Variants in NSMCE2 observed in about 807,000 individuals in gnomAD.
NSMCE2 encodes E3 SUMO-protein ligase NSE2.
In NSMCE2, 24 loss-of-function variants were observed where a neutral mutation model predicts 23.8. That is an observed-to-expected ratio of 1.01 (90% confidence interval 0.73 to 1.42). The LOEUF (loss-of-function observed/expected upper bound fraction) is 1.42. Ranked by LOEUF, NSMCE2 falls within the 40% of genes most tolerant of loss-of-function variation. The pLI is 0.00. For missense variants in NSMCE2, 284 were observed against 296.5 expected (o/e 0.96, Z 0.31); for synonymous variants, 92 against 94.1 (o/e 0.98, Z 0.13).
intron 5 of NSMCE2, among the ~76,000 whole-genome samples, chr8:125,313,702 T>C (rs1442785287): frequency 6.6e-6 from 1 of 151,992 alleles, no homozygotes; most frequent in African/African-American, 2.4e-5. Flanking sequence ...GTCCTTAGAG[T>C]TTCCTTGTTC....
At chr8:125,114,810 GGTT>G (rs1818919531) in intron 3 of NSMCE2, among the ~76,000 whole-genome samples, 1 of 152,100 alleles carries the variant, frequency 6.6e-6, no homozygotes, top group Non-Finnish European at 1.5e-5. Flanking sequence ...CATAGTCACT[GGTT>G]TAAAAAATCT....
At chr8:125,227,205 A>G (rs1287768984) in intron 5 of NSMCE2, among the ~76,000 whole-genome samples, 2 of 152,188 alleles carry the variant, frequency 1.3e-5, no homozygotes, top group African/African-American at 4.8e-5. Context: ...TCCACAAGAC[A>G]TGAGAAGCAG....
chr8:125,102,837 T>C (rs1356028796), intron 3 of NSMCE2, among the ~76,000 whole-genome samples: 1 of 152,208 alleles, frequency 6.6e-6, no homozygotes, highest in Non-Finnish European at 1.5e-5. Context: ...GTTTATACTT[T>C]GGTCATACTT....
chr8:125,193,000 G>A (rs1160899395), intron 5 of NSMCE2, among the ~76,000 whole-genome samples: 4 of 152,114 alleles, frequency 2.6e-5, no homozygotes, highest in Non-Finnish European at 5.9e-5. Flanking sequence ...GATATTATTT[G>A]TAATTAATAT....
At chr8:125,153,056 CAAAAAAAAAA>C (rs768246218) in intron 4 of NSMCE2, among the ~76,000 whole-genome samples, 5 of 47,456 alleles carry the variant, frequency 1.1e-4, no homozygotes, top group African/African-American at 2.9e-4. Flanking sequence ...GACTCCGTCT[CAAAAAAAAAA>C]AAAAAAAAAA....
At chr8:125,356,432 G>A (rs181513197) in intron 5 of NSMCE2, among the ~76,000 whole-genome samples, 1 of 146,924 alleles carries the variant, frequency 6.8e-6, no homozygotes, top group African/African-American at 2.5e-5. Context: ...GGGTTCAAGC[G>A]ATTCTCCTGC....
rs529935029 is a variant in NSMCE2 at position 125,286,472 on chromosome 8, C to A, written c.419-70747C>A. Among the ~76,000 whole-genome samples, 3 of 151,856 alleles carry A rather than the reference C, an allele frequency of 2.0e-5. No individual in the cohort carries two copies. In the South Asian group the frequency reaches 6.3e-4, roughly 32 times the overall value. Reference sequence around the variant, plus strand: ...GGATTACAGGCGCCCACCACCATGACGGCTAATTTTTTGTATTTTTAGTAG... The same window carrying A: ...GGATTACAGGCGCCCACCACCATGAAGGCTAATTTTTTGTATTTTTAGTAG... On this transcript the variant is annotated intron_variant, in intron 5 of 7. Transcript: ENST00000287437.
intron 5 of NSMCE2, among the ~76,000 whole-genome samples, chr8:125,279,764 A>G (rs1002381504): frequency 5.9e-5 from 9 of 152,224 alleles, no homozygotes; most frequent in Non-Finnish European, 1.3e-4. Flanking sequence ...ATACTTGCCT[A>G]TCTCCTTAGT....
intron 5 of NSMCE2, among the ~76,000 whole-genome samples, chr8:125,295,908 C>T (rs751520035): frequency 2.0e-5 from 3 of 152,064 alleles, no homozygotes; most frequent in Admixed American, 6.6e-5. Context: ...ATAACCGTTG[C>T]CCCTACTGAA....
chr8:125,102,285 CGA>C, intron 2 of NSMCE2, 30 bp from the exon 3 acceptor site: 1 of 1,483,320 alleles, frequency 6.7e-7, no homozygotes, highest in Non-Finnish European at 9.4e-7. Flanking sequence ...TTCTGACTTA[CGA>C]ATCTTGTTTC....
chr8:125,159,855 G>A (rs1821512527), intron 4 of NSMCE2, among the ~76,000 whole-genome samples: 1 of 152,056 alleles, frequency 6.6e-6, no homozygotes, highest in Non-Finnish European at 1.5e-5. Flanking sequence ...AGATACTTGG[G>A]AGGCTGAGGC....
chr8:125,232,031 A>G (rs540581944), intron 5 of NSMCE2, among the ~76,000 whole-genome samples: 1 of 152,262 alleles, frequency 6.6e-6, no homozygotes, highest in Admixed American at 6.5e-5. Flanking sequence ...ACTGTATCTC[A>G]CAGTATCATC....
chr8:125,222,551 A>G (rs1260563762), intron 5 of NSMCE2, among the ~76,000 whole-genome samples: 2 of 151,882 alleles, frequency 1.3e-5, no homozygotes, highest in Non-Finnish European at 2.9e-5. Flanking sequence ...TCTGGTAACC[A>G]CCATGCTATT....
At chr8:125,268,469 A>G (rs746229050) in intron 5 of NSMCE2, among the ~76,000 whole-genome samples, 2 of 152,144 alleles carry the variant, frequency 1.3e-5, no homozygotes, top group Non-Finnish European at 2.9e-5. Flanking sequence ...AGCAAAAAGA[A>G]CTATTTGGAG....
intron 5 of NSMCE2, among the ~76,000 whole-genome samples, chr8:125,293,969 A>G (rs1392198945): frequency 4.6e-5 from 7 of 152,126 alleles, no homozygotes; most frequent in South Asian, 4.2e-4. Flanking sequence ...TTTACTTCCT[A>G]TTTTCTCCCA....
chr8:125,357,357 T>C, intron 6 of NSMCE2, 38 bp downstream of exon 6: 1 of 1,308,806 alleles, frequency 7.6e-7, no homozygotes, highest in South Asian at 1.2e-5. Flanking sequence ...AGAAACACGA[T>C]TCACTTCACA....
chr8:125,184,703 A>G (rs1823007768), intron 5 of NSMCE2, among the ~76,000 whole-genome samples: 1 of 152,146 alleles, frequency 6.6e-6, no homozygotes, highest in Admixed American at 6.5e-5. Flanking sequence ...ATACTAATAC[A>G]AGTTGATACA....
At chr8:125,093,241 G>A (rs1435481273) in intron 1 of NSMCE2, among the ~76,000 whole-genome samples, 2 of 152,170 alleles carry the variant, frequency 1.3e-5, no homozygotes, top group East Asian at 3.8e-4. Flanking sequence ...TTTTAAAAGG[G>A]CACTAATCTT....
chr8:125,341,045 G>A (rs1830226741), intron 5 of NSMCE2, among the ~76,000 whole-genome samples: 1 of 152,142 alleles, frequency 6.6e-6, no homozygotes. Flanking sequence ...TCAGAGAGAG[G>A]CTTTCCCAAT....
Sources: allele counts gnomAD v4.1 joint callset (sites outside exome capture counted in the v4.1 genomes callset), GRCh38; gene constraint gnomAD v4.1.1; transcripts MANE v1.5; gene names NCBI Gene and HGNC (gene_info 2026-07-23, HGNC 2026-07-21).